Variants in NLRP11 observed in about 807,000 individuals in gnomAD.
NLRP11 encodes NACHT, LRR and PYD domains-containing protein 11.
A neutral mutation model predicts 79.3 loss-of-function variants in NLRP11; 53 were observed. The ratio of observed to expected loss-of-function variants is 0.67; its 90% CI spans 0.54 to 0.84. The LOEUF is 0.84. NLRP11 is among the 40% of genes least tolerant of loss of function. The pLI, the probability that NLRP11 is intolerant of heterozygous loss-of-function variation, is 0.00. For missense variants in NLRP11, 1,264 were observed against 1,255.0 expected (o/e 1.01, Z -0.11); for synonymous variants, 518 against 462.6 (o/e 1.12, Z -1.54).
chr19:55,832,435 C>G (rs1437710019), upstream of NLRP11, among the ~76,000 whole-genome samples: 2 of 152,206 alleles, frequency 1.3e-5, no homozygotes, highest in African/African-American at 4.8e-5. Flanking sequence ...CAAATGCAAC[C>G]AAAGGCATGT....
intron 6 of NLRP11, 93 bp downstream of exon 6, chr19:55,795,987 T>G: frequency 8.7e-7 from 1 of 1,155,446 alleles, no homozygotes; most frequent in Non-Finnish European, 1.3e-6. Flanking sequence ...TTTGCTTTGC[T>G]GTCCCTTTCC....
At chr19:55,804,636 T>G (rs1398383144) in intron 4 of NLRP11, among the ~76,000 whole-genome samples, 1 of 151,774 alleles carries the variant, frequency 6.6e-6, no homozygotes, top group Non-Finnish European at 1.5e-5. Context: ...CAGGAAAAAA[T>G]AAATGAGTAC....
chr19:55,805,280 A>G (rs1979878688), intron 4 of NLRP11, among the ~76,000 whole-genome samples: 1 of 152,038 alleles, frequency 6.6e-6, no homozygotes. Context: ...TAAAGGAAAG[A>G]GACGGGAAGG....
rs748113096 is a variant in NLRP11 at position 55,792,286 on chromosome 19, C to T, written c.2513+15G>A. 3.7e-6 allele frequency: 6 copies of T among 1,611,118 alleles called. No individual in the cohort carries two copies. The Admixed American group carries it at 1.0e-4, about 27-fold the overall frequency. Reference sequence around the variant, plus strand: ...GTAGAAACACAGTCATCCAGGACAACTGTGGGAGACTTACTGAAGCTCCTC... The same window carrying T: ...GTAGAAACACAGTCATCCAGGACAATTGTGGGAGACTTACTGAAGCTCCTC... On this transcript the variant is annotated intron_variant, in intron 7 of 9. Coordinates refer to ENST00000589093, the Ensembl canonical transcript of NLRP11.
At chr19:55,810,042 C>T in exon 3 of NLRP11, 3 of 1,614,130 alleles carry the variant, frequency 1.9e-6, no homozygotes, top group Non-Finnish European at 2.5e-6. Context: ...TGGTTTATTT[C>T]GTGAGCAGTG....
chr19:55,832,129 G>C (rs1200845668), upstream of NLRP11: 1 of 152,156 alleles, frequency 6.6e-6, no homozygotes, highest in Non-Finnish European at 1.5e-5. Context: ...CTGCACCTGC[G>C]TGTTTCTGCC....
intron 7 of NLRP11, among the ~76,000 whole-genome samples, chr19:55,790,200 G>A (rs1209576165): frequency 6.6e-6 from 1 of 152,092 alleles, no homozygotes; most frequent in South Asian, 2.1e-4. Context: ...CGTGCCCTTA[G>A]GATTGAATTA....
intron 1 of NLRP11, among the ~76,000 whole-genome samples, chr19:55,821,249 A>ACACACACACACAC (rs1443325918): frequency 8.0e-6 from 1 of 124,378 alleles, no homozygotes; most frequent in African/African-American, 2.9e-5. Flanking sequence ...ACACACACAC[A>ACACACACACACAC]CCCCAAGCAC....
chr19:55,821,418 C>T (rs989756204), intron 1 of NLRP11, among the ~76,000 whole-genome samples: 1 of 152,176 alleles, frequency 6.6e-6, no homozygotes, highest in Non-Finnish European at 1.5e-5. Flanking sequence ...CTTTGCTTTG[C>T]CGATTCTGCT....
exon 9 of NLRP11, chr19:55,788,839 C>A: frequency 1.3e-6 from 2 of 1,592,400 alleles, no homozygotes; most frequent in South Asian, 2.2e-5. Context: ...CTGGGCTGAT[C>A]AAGCTCTCAA....
chr19:55,821,249 A>ACCC lies in NLRP11; in HGVS notation c.-62-3016_-62-3014dup, dbSNP rs72006711. On this transcript the variant is annotated intron_variant, in intron 1 of 9. Coordinates refer to ENST00000589093, the Ensembl canonical transcript of NLRP11. ...CACACACACACACACACACACACAC[A>ACCC]CCCCAAGCACTGAGTTTGTAATGAT... Among the ~76,000 whole-genome samples, 333 of 124,444 alleles carry ACCC rather than the reference A, an allele frequency of 2.7e-3. 2 individuals carry two copies. The highest frequency in any genetic ancestry group is 9.1e-3 in the African/African-American group (314 of 34,696). The allele number at this position is 124,444 out of a possible 152,430, so 81.6% of individuals were successfully genotyped here.
upstream of NLRP11, among the ~76,000 whole-genome samples, chr19:55,833,539 G>T (rs1982973600): frequency 6.6e-6 from 1 of 151,952 alleles, no homozygotes; most frequent in African/African-American, 2.4e-5. Context: ...GCTGAAGCGG[G>T]CAGATCAGAA....
At chr19:55,797,224 A>C (rs1015488358) in intron 5 of NLRP11, among the ~76,000 whole-genome samples, 13 of 152,152 alleles carry the variant, frequency 8.5e-5, no homozygotes, top group African/African-American at 3.1e-4. Context: ...ACTTGAACTC[A>C]GGAGTTCGAG....
chr19:55,812,036 C>G (rs952095165), intron 2 of NLRP11, among the ~76,000 whole-genome samples: 1 of 151,538 alleles, frequency 6.6e-6, no homozygotes, highest in African/African-American at 2.4e-5. Flanking sequence ...GATTTGTTAG[C>G]TTCATGTCAA....
chr19:55,799,372 T>C (rs1255733203), intron 5 of NLRP11, among the ~76,000 whole-genome samples: 1 of 152,200 alleles, frequency 6.6e-6, no homozygotes, highest in Non-Finnish European at 1.5e-5. Context: ...TAGAGGCTAC[T>C]TAATGCCATG....
intron 4 of NLRP11, among the ~76,000 whole-genome samples, chr19:55,803,080 G>C (rs1272559330): frequency 6.6e-6 from 1 of 152,174 alleles, no homozygotes; most frequent in African/African-American, 2.4e-5. Flanking sequence ...TGGGCACAGT[G>C]ACTCATGCCT....
chr19:55,792,480 A>G lies in NLRP11; in HGVS notation c.2343-9T>C. 2 of 1,613,076 alleles carry G rather than the reference A, an allele frequency of 1.2e-6. No individual in the cohort carries two copies. Among genetic ancestry groups the G allele is most frequent in the Non-Finnish European group, 8.5e-7 (1 of 1,179,174 alleles). On this transcript the variant is annotated splice_polypyrimidine_tract_variant and intron_variant, in intron 6 of 9. Transcript: ENST00000589093. ...GACAGCAGAAGACTAACCTGCACAC[A>G]GAGAAGAGTGAGTCAGTGACAGTGT...
intron 1 of NLRP11, among the ~76,000 whole-genome samples, chr19:55,818,798 T>G (rs757253458): frequency 3.3e-5 from 5 of 152,158 alleles, no homozygotes; most frequent in African/African-American, 9.7e-5. Flanking sequence ...TAAGTTATGA[T>G]GTACTCTGTT....
At chr19:55,789,049 C>A in intron 8 of NLRP11, 72 bp from the exon 9 acceptor site, 1 of 1,541,574 alleles carries the variant, frequency 6.5e-7, no homozygotes, top group Non-Finnish European at 8.9e-7. Context: ...TGGGTGAGAA[C>A]TGGACATCTA....
Sources: allele counts gnomAD v4.1 joint callset (sites outside exome capture counted in the v4.1 genomes callset), GRCh38; gene constraint gnomAD v4.1.1; transcripts MANE v1.5; gene names NCBI Gene and HGNC (gene_info 2026-07-23, HGNC 2026-07-21).